Variants in UNC5D observed in about 807,000 individuals in gnomAD.
UNC5D encodes netrin receptor UNC5D.
A neutral mutation model predicts 105.4 loss-of-function variants in UNC5D; 39 were observed. The ratio of observed to expected loss-of-function variants is 0.37; its 90% CI spans 0.29 to 0.48. The LOEUF (loss-of-function observed/expected upper bound fraction) is 0.48. UNC5D is among the 20% of genes least tolerant of loss of function. UNC5D has a pLI of 0.98. For missense variants in UNC5D, 991 were observed against 1,202.4 expected, an observed-to-expected ratio of 0.82 and a Z score of 2.60; for synonymous variants, 452 against 450.4, an observed-to-expected ratio of 1.00 and a Z score of -0.04.
intron 16 of UNC5D, among the ~76,000 whole-genome samples, chr8:35,781,041 T>C (rs936993663): frequency 4.6e-5 from 7 of 152,188 alleles, no homozygotes; most frequent in Non-Finnish European, 1.0e-4. Context: ...GGAGATAGTA[T>C]TATACATCGG....
intron 1 of UNC5D, among the ~76,000 whole-genome samples, chr8:35,244,344 G>A (rs1035359724): frequency 2.0e-5 from 3 of 152,202 alleles, no homozygotes; most frequent in African/African-American, 7.2e-5. Flanking sequence ...ACTGAGGTGG[G>A]ATGATACAGC....
intron 16 of UNC5D, among the ~76,000 whole-genome samples, chr8:35,784,454 A>T (rs1288195525): frequency 6.6e-6 from 1 of 152,138 alleles, no homozygotes; most frequent in Non-Finnish European, 1.5e-5. Context: ...AAATTTAGAG[A>T]TTAGATTGTT....
intron 1 of UNC5D, among the ~76,000 whole-genome samples, chr8:35,491,719 TA>T (rs1811225501): frequency 6.6e-6 from 1 of 152,144 alleles, no homozygotes; most frequent in African/African-American, 2.4e-5. Context: ...GGTACTTTGT[TA>T]TACATGTATC....
chr8:35,548,944 C>A (rs1815900404), intron 1 of UNC5D, among the ~76,000 whole-genome samples: 1 of 152,186 alleles, frequency 6.6e-6, no homozygotes, highest in Non-Finnish European at 1.5e-5. Context: ...TTGGGGTTGT[C>A]ATTAGCCCTT....
intron 4 of UNC5D, among the ~76,000 whole-genome samples, chr8:35,620,023 G>A (rs1395827213): frequency 2.0e-5 from 3 of 152,176 alleles, no homozygotes; most frequent in Admixed American, 6.5e-5. Flanking sequence ...GTCCTCTAAT[G>A]GGTGTCCTTG....
intron 15 of UNC5D, among the ~76,000 whole-genome samples, chr8:35,772,685 T>C (rs1404101067): frequency 6.6e-6 from 1 of 152,236 alleles, no homozygotes; most frequent in African/African-American, 2.4e-5. Flanking sequence ...TAGTTTTCTT[T>C]TGCTACATAA....
At chr8:35,307,221 G>A (rs542878875) in intron 1 of UNC5D, among the ~76,000 whole-genome samples, 95 of 152,290 alleles carry the variant, frequency 6.2e-4, no homozygotes, top group South Asian at 1.7e-3. Context: ...TCCATGGGCC[G>A]CAGGTTGGAC....
intron 1 of UNC5D, among the ~76,000 whole-genome samples, chr8:35,337,680 T>C (rs1354736340): frequency 6.6e-6 from 1 of 152,184 alleles, no homozygotes; most frequent in Admixed American, 6.5e-5. Flanking sequence ...AAACTCAACT[T>C]CTCATTATCT....
chr8:35,719,187 C>CAT (rs66855470), intron 8 of UNC5D, among the ~76,000 whole-genome samples: 1 of 147,444 alleles, frequency 6.8e-6, no homozygotes, highest in Non-Finnish European at 1.5e-5. Context: ...CACACACACA[C>CAT]GACTTTCTCC....
intron 10 of UNC5D, among the ~76,000 whole-genome samples, chr8:35,729,686 T>C (rs1045496909): frequency 1.3e-5 from 2 of 152,194 alleles, no homozygotes; most frequent in African/African-American, 2.4e-5. Context: ...CCCCTTCATT[T>C]GGCAACTACA....
At chr8:35,483,314 A>G (rs1344489662) in intron 1 of UNC5D, among the ~76,000 whole-genome samples, 1 of 152,136 alleles carries the variant, frequency 6.6e-6, no homozygotes. Context: ...TCTGAAATGA[A>G]CTAGTGCTGT....
intron 4 of UNC5D, among the ~76,000 whole-genome samples, chr8:35,680,006 T>C (rs1379176874): frequency 1.3e-5 from 2 of 152,156 alleles, no homozygotes; most frequent in East Asian, 3.9e-4. Context: ...AGATCTCTCA[T>C]CTTGTTGTGA....
At chr8:35,241,754 A>G in intron 1 of UNC5D, among the ~76,000 whole-genome samples, 1 of 152,268 alleles carries the variant, frequency 6.6e-6, no homozygotes, top group African/African-American at 2.4e-5. Flanking sequence ...AACTTAATAC[A>G]TTAATATAAT....
At chr8:35,705,239 T>C (rs561475004) in intron 7 of UNC5D, among the ~76,000 whole-genome samples, 59 of 152,268 alleles carry the variant, frequency 3.9e-4, no homozygotes, top group East Asian at 3.3e-3. Context: ...GCTGGGATTA[T>C]AGGCGTGAGC....
intron 1 of UNC5D, among the ~76,000 whole-genome samples, chr8:35,501,399 G>A (rs1811965691): frequency 6.6e-6 from 1 of 152,192 alleles, no homozygotes; most frequent in Non-Finnish European, 1.5e-5. Context: ...TAAGGCCGGG[G>A]AAAGAAAGCT....
rs10715369 is a variant in UNC5D, at chr8:35,365,591, C to CAAAAAAAAAAAAAAAAA, written c.103+129714_103+129730dup. Among the ~76,000 whole-genome samples, 9 of 49,884 alleles carry CAAAAAAAAAAAAAAAAA rather than the reference C, an allele frequency of 1.8e-4. 2 individuals carry two copies. Among genetic ancestry groups the CAAAAAAAAAAAAAAAAA allele is most frequent in the African/African-American group, 4.0e-4 (5 of 12,392 alleles). The allele number at this position is 49,884 out of a possible 152,430, so 32.7% of individuals were successfully genotyped here. A position where few individuals can be genotyped will look rare whatever the true frequency, so the allele number is the denominator to read the frequency against. Reference sequence around the variant, plus strand: ...TCTTAGGCTTTCATGCCATCCCCTGCAAAAAAAAAAAAAAAAAAAAAAAAA... The same window carrying CAAAAAAAAAAAAAAAAA: ...TCTTAGGCTTTCATGCCATCCCCTGCAAAAAAAAAAAAAAAAAAAAAAAAAAAAAAAAAAAAAAAAAA... On this transcript the variant is annotated intron_variant, in intron 1 of 16. Coordinates refer to ENST00000404895, the MANE Select transcript of UNC5D (RefSeq NM_080872.4).
At chr8:35,386,549 A>AT (rs1199346831) in intron 1 of UNC5D, among the ~76,000 whole-genome samples, 2 of 152,214 alleles carry the variant, frequency 1.3e-5, no homozygotes, top group Admixed American at 6.5e-5. Context: ...CTAGCTTGTA[A>AT]TTTTAGAAGA....
At chr8:35,302,474 C>T (rs1039303450) in intron 1 of UNC5D, among the ~76,000 whole-genome samples, 4 of 152,306 alleles carry the variant, frequency 2.6e-5, no homozygotes, top group African/African-American at 7.2e-5. Context: ...GGCTTTTAGA[C>T]GATTTTAGAA....
intron 16 of UNC5D, among the ~76,000 whole-genome samples, chr8:35,775,393 TTTA>T (rs1303290030): frequency 6.6e-6 from 1 of 152,118 alleles, no homozygotes; most frequent in Non-Finnish European, 1.5e-5. Flanking sequence ...CATAATGGAC[TTTA>T]TTACTTTAGG....
Sources: allele counts gnomAD v4.1 joint callset (sites outside exome capture counted in the v4.1 genomes callset), GRCh38; gene constraint gnomAD v4.1.1; transcripts MANE v1.5; gene names NCBI Gene and HGNC (gene_info 2026-07-23, HGNC 2026-07-21).